CACHD1: variants seen among roughly 807,000 people sequenced by gnomAD.
CACHD1 encodes VWFA and cache domain-containing protein 1.
A neutral mutation model predicts 138.7 loss-of-function variants in CACHD1; 71 were observed. The observed-to-expected ratio is 0.51, with a 90% CI of 0.42 to 0.62. CACHD1 has a LOEUF of 0.62. CACHD1 is among the 20% of genes least tolerant of loss of function. The pLI is 0.00. For synonymous variants in CACHD1, 578 were observed against 591.5 expected (o/e 0.98, Z 0.33); for missense variants, 1,389 against 1,625.3 (o/e 0.85, Z 2.50).
At chr1:64,629,232 A>G (rs1432762942) in intron 4 of CACHD1, 123 bp from the exon 5 acceptor site, 1 of 1,065,576 alleles carries the variant, frequency 9.4e-7, no homozygotes, top group South Asian at 1.7e-5. Flanking sequence ...AAAATTTACA[A>G]TCTTGTATCT....
chr1:64,556,914 C>T (rs1337561718), intron 2 of CACHD1, among the ~76,000 whole-genome samples: 1 of 152,060 alleles, frequency 6.6e-6, no homozygotes, highest in Non-Finnish European at 1.5e-5. Context: ...GTCAGGAGAT[C>T]GAGACCATCC....
At chr1:64,542,621 G>A (rs1222834566) in intron 1 of CACHD1, among the ~76,000 whole-genome samples, 1 of 151,966 alleles carries the variant, frequency 6.6e-6, no homozygotes, top group Non-Finnish European at 1.5e-5. Context: ...GGGGAAGAAA[G>A]GAAAAATATA....
chr1:64,625,121 A>G (rs1029317795), intron 4 of CACHD1, among the ~76,000 whole-genome samples: 1 of 152,220 alleles, frequency 6.6e-6, no homozygotes, highest in South Asian at 2.1e-4. Flanking sequence ...AGACTGAAGG[A>G]AAGTTTCTAT....
intron 1 of CACHD1, among the ~76,000 whole-genome samples, chr1:64,475,409 TC>T (rs1317743455): frequency 6.6e-6 from 1 of 152,098 alleles, no homozygotes; most frequent in Admixed American, 6.5e-5. Flanking sequence ...CAAGTGATCC[TC>T]CCACCTTGGC....
intron 14 of CACHD1, chr1:64,664,287 G>A (rs1014144454): frequency 1.7e-6 from 1 of 581,054 alleles, no homozygotes; most frequent in East Asian, 2.8e-5. Context: ...TAGGTAGGGT[G>A]AACAATTGAG....
intron 1 of CACHD1, among the ~76,000 whole-genome samples, chr1:64,525,575 T>G (rs1370127868): frequency 1.3e-5 from 2 of 152,220 alleles, no homozygotes; most frequent in African/African-American, 4.8e-5. Flanking sequence ...TTTAGAATTA[T>G]TTCTCATGTT....
At chr1:64,543,764 G>C (rs780239097) in intron 1 of CACHD1, among the ~76,000 whole-genome samples, 54 of 150,806 alleles carry the variant, frequency 3.6e-4, no homozygotes, top group Admixed American at 1.7e-3. Context: ...TTCAAACCTG[G>C]TAAAAGATTA....
At chr1:64,649,060 T>C (rs1400345105) in intron 9 of CACHD1, among the ~76,000 whole-genome samples, 1 of 152,220 alleles carries the variant, frequency 6.6e-6, no homozygotes, top group African/African-American at 2.4e-5. Flanking sequence ...TTATGTTTTG[T>C]TAGCTAGGAA....
In CACHD1 at chr1:64,665,649, T is replaced by C. The variant is rs114803894; in HGVS notation, c.2277-408T>C. On this transcript the variant is annotated intron_variant, in intron 15 of 26. Coordinates refer to ENST00000651257, the MANE Select transcript of CACHD1 (RefSeq NM_020925.4). ...GCATTTCAGTGTAACACAAACAAAA[T>C]TCATCCTAAATATTTTTAGACTTAT... Among the ~76,000 whole-genome samples the C allele has an allele frequency of 5.9e-3, 901 of 152,246 alleles. 8 individuals are homozygous for C. Among genetic ancestry groups the C allele is most frequent in the African/African-American group, 0.021 (873 of 41,536 alleles).
chr1:64,505,299 C>A (rs1229249761), intron 1 of CACHD1, among the ~76,000 whole-genome samples: 2 of 151,904 alleles, frequency 1.3e-5, no homozygotes, highest in Non-Finnish European at 1.5e-5. Flanking sequence ...ACCTGCTCAG[C>A]CCCGGGAGCC....
At chr1:64,579,152 A>C (rs1002798433) in intron 2 of CACHD1, among the ~76,000 whole-genome samples, 7 of 152,236 alleles carry the variant, frequency 4.6e-5, no homozygotes, top group African/African-American at 1.7e-4. Context: ...ACAAATGATC[A>C]TGTTCCAATA....
At chr1:64,551,271 G>T (rs974336946) in intron 2 of CACHD1, among the ~76,000 whole-genome samples, 5 of 150,624 alleles carry the variant, frequency 3.3e-5, no homozygotes, top group Non-Finnish European at 7.4e-5. Context: ...AGTTCTCTGT[G>T]GAGTCAAGAA....
intron 26 of CACHD1, among the ~76,000 whole-genome samples, chr1:64,684,485 G>A (rs1354437632): frequency 6.7e-6 from 1 of 148,444 alleles, no homozygotes; most frequent in African/African-American, 2.5e-5. Flanking sequence ...TATAACAAAA[G>A]GAAATATTTT....
chr1:64,515,300 C>T (rs927841640), intron 1 of CACHD1, among the ~76,000 whole-genome samples: 1 of 152,030 alleles, frequency 6.6e-6, no homozygotes, highest in Non-Finnish European at 1.5e-5. Context: ...AATTGGGGAG[C>T]TATGGAAGTT....
chr1:64,549,781 C>G (rs1646744625), intron 1 of CACHD1, among the ~76,000 whole-genome samples: 1 of 150,452 alleles, frequency 6.6e-6, no homozygotes, highest in Non-Finnish European at 1.5e-5. Flanking sequence ...AATGATAAGG[C>G]TGCTGCTCTT....
intron 1 of CACHD1, among the ~76,000 whole-genome samples, chr1:64,525,954 G>A (rs750584701): frequency 5.5e-4 from 84 of 152,304 alleles, no homozygotes; most frequent in Non-Finnish European, 1.1e-3. Context: ...ATGGACAGAT[G>A]ATCCAGGACC....
intron 2 of CACHD1, among the ~76,000 whole-genome samples, chr1:64,562,550 C>G (rs4915985): frequency 2.7e-4 from 40 of 149,486 alleles, no homozygotes; most frequent in African/African-American, 9.6e-4. Context: ...GCTGGGATTA[C>G]AGGCATGTGC....
Position 64,631,296 on chromosome 1 carries a change from T to C in CACHD1, c.645-1303T>C, listed in dbSNP as rs999889003. On this transcript the variant is annotated intron_variant, in intron 5 of 26. Coordinates refer to ENST00000651257, the MANE Select transcript of CACHD1 (RefSeq NM_020925.4). ...TAAATATTTGACCTACTTGTCAGTG[T>C]TGAGATGATCAAATTTTCCTTCTTT... Among the ~76,000 whole-genome samples the C allele has an allele frequency of 3.3e-5, 5 of 152,342 alleles. No homozygotes were observed. The East Asian group carries it at 9.6e-4, about 29-fold the overall frequency.
At chr1:64,655,340 G>A (rs78424500) in intron 12 of CACHD1, among the ~76,000 whole-genome samples, 8,730 of 152,216 alleles carry the variant, frequency 0.057, 340 homozygotes, top group East Asian at 0.2. Context: ...GTGTGTGTGT[G>A]TATACGCTCA....
Sources: gnomAD v4.1 joint callset for allele counts (sites outside exome capture counted in the v4.1 genomes callset) on GRCh38, gnomAD v4.1.1 for gene constraint, MANE v1.5 for transcripts, NCBI Gene and HGNC (gene_info 2026-07-23, HGNC 2026-07-21) for gene names.